The following ITGAV variants were observed in gnomAD, a reference collection of about 807,000 sequenced individuals.
ITGAV encodes the protein integrin subunit alpha V, also known as integrin alpha-V.
Under a neutral mutation model 143.8 loss-of-function variants are expected in ITGAV, and 76 were observed. The ratio of observed to expected loss-of-function variants is 0.53; its 90% CI spans 0.44 to 0.64. The LOEUF is 0.64. Ranked by LOEUF, ITGAV falls within the 30% of genes least tolerant of loss-of-function variation. ITGAV has a pLI of 0.00. For synonymous variants in ITGAV, 453 were observed against 446.7 expected, an observed-to-expected ratio of 1.01 and a Z score of -0.18; for missense variants, 1,193 against 1,274.7, an observed-to-expected ratio of 0.94 and a Z score of 0.98.
chr2:186,654,765 A>G (rs180917178), intron 16 of ITGAV, 57 bp downstream of exon 16: 2 of 718,294 alleles, frequency 2.8e-6, no homozygotes, highest in Non-Finnish European at 4.9e-6. Context: ...ACAGCACTTA[A>G]AAAATATTTT....
intron 1 of ITGAV, among the ~76,000 whole-genome samples, chr2:186,592,421 A>C (rs1686638880): frequency 6.6e-6 from 1 of 152,222 alleles, no homozygotes; most frequent in Admixed American, 6.5e-5. Context: ...CGATAGAGAG[A>C]GACTGTCTCA....
intron 24 of ITGAV, among the ~76,000 whole-genome samples, chr2:186,668,216 A>ATT (rs1186490756): frequency 1.7e-3 from 7 of 4,198 alleles, no homozygotes; most frequent in African/African-American, 1.9e-3. Context: ...ATATATATAT[A>ATT]TTTTTTTTTT....
intron 6 of ITGAV, among the ~76,000 whole-genome samples, 186 bp from the exon 7 acceptor site, chr2:186,635,896 C>G (rs897025900): frequency 6.6e-6 from 1 of 152,076 alleles, no homozygotes; most frequent in Non-Finnish European, 1.5e-5. Context: ...CTGGCTTAAA[C>G]AGAAATAATT....
At chr2:186,615,829 ACT>A (rs1687340178) in intron 2 of ITGAV, among the ~76,000 whole-genome samples, 1 of 151,234 alleles carries the variant, frequency 6.6e-6, no homozygotes, top group Admixed American at 6.6e-5. Flanking sequence ...TAATATATCT[ACT>A]CTTTTATCAT....
intron 8 of ITGAV, 30 bp from the exon 9 acceptor site, chr2:186,638,247 A>C: frequency 6.2e-7 from 1 of 1,609,208 alleles, no homozygotes; most frequent in Non-Finnish European, 8.5e-7. Context: ...GTCCTAAAAA[A>C]TGAATAATTT....
In ITGAV at chr2:186,677,387, C is replaced by T. The variant is rs201607731; in HGVS notation, c.*95C>T. On this transcript the variant is annotated 3_prime_UTR_variant, in exon 30 of 30. Coordinates refer to ENST00000261023, the MANE Select transcript of ITGAV (RefSeq NM_002210.5). Reference sequence around the variant, plus strand: ...CTTCATGAGGAGTAAAAATCCAAGGCTTTACTGCTGATAGTGCTAATTGGC... The same window carrying T: ...CTTCATGAGGAGTAAAAATCCAAGGTTTTACTGCTGATAGTGCTAATTGGC... 8 of 868,616 alleles carry T rather than the reference C, an allele frequency of 9.2e-6. No individual in the cohort carries two copies. The highest frequency in any genetic ancestry group is 1.1e-5 in the Non-Finnish European group (6 of 537,348). The allele number at this position is 868,616 out of a possible 1,614,324, so 53.8% of individuals were successfully genotyped here. A position where few individuals can be genotyped will look rare whatever the true frequency, so the allele number is the denominator to read the frequency against.
chr2:186,627,109 T>C (rs1687696280), intron 4 of ITGAV, among the ~76,000 whole-genome samples: 1 of 152,136 alleles, frequency 6.6e-6, no homozygotes, highest in Non-Finnish European at 1.5e-5. Flanking sequence ...AGCAATCTTA[T>C]TTCCACATCT....
intron 14 of ITGAV, among the ~76,000 whole-genome samples, chr2:186,651,531 T>G (rs1297366794): frequency 6.6e-6 from 1 of 152,186 alleles, no homozygotes; most frequent in African/African-American, 2.4e-5. Context: ...AAAAATCATA[T>G]TATGTATGTA....
chr2:186,610,552 T>G, intron 2 of ITGAV, among the ~76,000 whole-genome samples: 1 of 152,248 alleles, frequency 6.6e-6, no homozygotes, highest in East Asian at 1.9e-4. Flanking sequence ...AAATAGCAGT[T>G]GCCCTCTTGG....
At chr2:186,617,054 A>G (rs1687386314) in intron 2 of ITGAV, among the ~76,000 whole-genome samples, 1 of 151,582 alleles carries the variant, frequency 6.6e-6, no homozygotes, top group South Asian at 2.1e-4. Flanking sequence ...TTTTTAGCAA[A>G]AAGTAAGTTA....
At chr2:186,632,223 A>G (rs1392863037) in intron 5 of ITGAV, among the ~76,000 whole-genome samples, 1 of 152,088 alleles carries the variant, frequency 6.6e-6, no homozygotes, top group African/African-American at 2.4e-5. Context: ...TTAGGTTTAA[A>G]CTTGTATGAT....
At chr2:186,673,646 CTTT>C (rs1689127035) in intron 26 of ITGAV, among the ~76,000 whole-genome samples, 1 of 151,784 alleles carries the variant, frequency 6.6e-6, no homozygotes, top group Admixed American at 6.6e-5. Context: ...CTTTTCAATG[CTTT>C]TTATTATTAT....
In ITGAV at chr2:186,680,891, A is replaced by G. The variant is rs1689332423; in HGVS notation, c.*3599A>G. 1 of 152,628 alleles carries G rather than the reference A, an allele frequency of 6.6e-6. No individual in the cohort carries two copies. Among genetic ancestry groups the G allele is most frequent in the Non-Finnish European group, 1.5e-5 (1 of 68,026 alleles). The allele number at this position is 152,628 out of a possible 1,614,324, so 9.5% of individuals were successfully genotyped here. On this transcript the variant is annotated 3_prime_UTR_variant, in exon 30 of 30. Transcript: ENST00000261023. Reference sequence around the variant, plus strand: ...TTGTGACTGTACAATAAACATAAGCATATGGTACCACTTTTGTGTATGGGG... The same window carrying G: ...TTGTGACTGTACAATAAACATAAGCGTATGGTACCACTTTTGTGTATGGGG...
chr2:186,592,152 T>G (rs141888802), intron 1 of ITGAV, among the ~76,000 whole-genome samples: 2 of 152,170 alleles, frequency 1.3e-5, no homozygotes, highest in African/African-American at 2.4e-5. Context: ...ATTTAAATAC[T>G]TCAGGCCAGG....
At chr2:186,617,095 G>A (rs1687387265) in intron 2 of ITGAV, among the ~76,000 whole-genome samples, 1 of 150,824 alleles carries the variant, frequency 6.6e-6, no homozygotes, top group African/African-American at 2.4e-5. Flanking sequence ...ATTCATAAAA[G>A]TCATAGTGAT....
chr2:186,629,222 A>G (rs1442107822), intron 4 of ITGAV, among the ~76,000 whole-genome samples: 1 of 152,114 alleles, frequency 6.6e-6, no homozygotes, highest in African/African-American at 2.4e-5. Context: ...TATATTCAAC[A>G]TGAAGTCTTT....
At chr2:186,609,793 CAT>C (rs34432414) in intron 2 of ITGAV, among the ~76,000 whole-genome samples, 1 of 150,426 alleles carries the variant, frequency 6.6e-6, no homozygotes, top group African/African-American at 2.4e-5. Flanking sequence ...ATGTGCCCTA[CAT>C]ATATATATAT....
At chr2:186,616,113 T>G (rs1687349897) in intron 2 of ITGAV, among the ~76,000 whole-genome samples, 1 of 152,112 alleles carries the variant, frequency 6.6e-6, no homozygotes, top group South Asian at 2.1e-4. Flanking sequence ...TGACTGTGAA[T>G]GTACAGGTGC....
chr2:186,635,570 A>G (rs1186943915), intron 6 of ITGAV, among the ~76,000 whole-genome samples: 1 of 152,206 alleles, frequency 6.6e-6, no homozygotes, highest in Non-Finnish European at 1.5e-5. Context: ...CTTTCTTGGC[A>G]TGGAGGGCAG....
Sources: gnomAD v4.1 joint callset for allele counts (sites outside exome capture counted in the v4.1 genomes callset) on GRCh38, gnomAD v4.1.1 for gene constraint, MANE v1.5 for transcripts, NCBI Gene and HGNC (gene_info 2026-07-23, HGNC 2026-07-21) for gene names.